The following TACR1 variants were observed in gnomAD, a reference collection of about 807,000 sequenced individuals.
TACR1 encodes tachykinin receptor 1, also known as substance-P receptor.
Under a neutral mutation model 35.8 loss-of-function variants are expected in TACR1, and 25 were observed. The observed-to-expected ratio is 0.70, with a 90% CI of 0.51 to 0.98. TACR1 has a LOEUF of 0.98. TACR1 is among the 50% of genes least tolerant of loss of function. The probability of loss-of-function intolerance (pLI) is 0.00; values close to 1 mark genes in which losing one functional copy is unlikely to be tolerated. For missense variants in TACR1, 478 were observed against 522.9 expected (o/e 0.91, Z 0.84); for synonymous variants, 195 against 206.7 (o/e 0.94, Z 0.48).
At chr2:75,185,950 G>C (rs564921511) in intron 1 of TACR1, among the ~76,000 whole-genome samples, 2 of 152,256 alleles carry the variant, frequency 1.3e-5, no homozygotes, top group Non-Finnish European at 2.9e-5. Context: ...TTTAAATTAC[G>C]ATACTTTGTA....
intron 1 of TACR1, among the ~76,000 whole-genome samples, chr2:75,134,808 G>A (rs1404681506): frequency 6.6e-6 from 1 of 152,228 alleles, no homozygotes; most frequent in East Asian, 1.9e-4. Flanking sequence ...ACTACCAGCT[G>A]ATTAACTTAA....
chr2:75,170,064 A>G (rs374702467), intron 1 of TACR1, among the ~76,000 whole-genome samples: 1 of 152,280 alleles, frequency 6.6e-6, no homozygotes, highest in Admixed American at 6.5e-5. Context: ...TGAGAGAGGA[A>G]ACATTTTCTT....
At chr2:75,107,645 T>G (rs2160652) in intron 2 of TACR1, among the ~76,000 whole-genome samples, 101,868 of 151,814 alleles carry the variant, frequency 0.67, 34,297 homozygotes, top group African/African-American at 0.7. Context: ...AATAAAAAAA[T>G]TTAGGTAGTG....
intron 1 of TACR1, among the ~76,000 whole-genome samples, chr2:75,155,566 A>G (rs1310599070): frequency 2.0e-5 from 3 of 152,160 alleles, no homozygotes; most frequent in African/African-American, 7.2e-5. Context: ...AGAGGCCACC[A>G]TCTCCTGTTC....
At chr2:75,067,721 T>C (rs1672794909) in intron 2 of TACR1, among the ~76,000 whole-genome samples, 1 of 152,112 alleles carries the variant, frequency 6.6e-6, no homozygotes, top group Admixed American at 6.5e-5. Context: ...GGGTGCCCCA[T>C]GCAGAGACAA....
At chr2:75,160,014 A>C (rs1674964155) in intron 1 of TACR1, among the ~76,000 whole-genome samples, 1 of 152,208 alleles carries the variant, frequency 6.6e-6, no homozygotes, top group Admixed American at 6.5e-5. Context: ...ATGGCAATAT[A>C]TTCACACTAC....
chr2:75,088,103 A>G (rs2103847158), intron 2 of TACR1, among the ~76,000 whole-genome samples: 1 of 152,120 alleles, frequency 6.6e-6, no homozygotes, highest in African/African-American at 2.4e-5. Flanking sequence ...ACTACAACCT[A>G]TTTCTTTTGA....
chr2:75,085,113 T>A (rs571208916), intron 2 of TACR1, among the ~76,000 whole-genome samples: 1 of 152,320 alleles, frequency 6.6e-6, no homozygotes, highest in Non-Finnish European at 1.5e-5. Context: ...GTCCCAGAGA[T>A]TCTGGTATGT....
intron 2 of TACR1, among the ~76,000 whole-genome samples, chr2:75,108,121 G>T (rs948586581): frequency 5.3e-5 from 8 of 151,954 alleles, no homozygotes; most frequent in Non-Finnish European, 1.2e-4. Flanking sequence ...TGGTTTTATG[G>T]GTAAGTTCCT....
At position 75,049,473 on chromosome 2, in the gene TACR1, TG is replaced by T. The variant is rs778112025; in HGVS notation, c.1182del (p.Met395Ter). The T allele has an allele frequency of 1.2e-5, 19 of 1,614,032 alleles. No homozygotes were observed. In the South Asian group the frequency reaches 1.6e-4, roughly 14 times the overall value. ...GAGGAGAAGCTGAAGCTCTCTGTCA[TG>T]GTCTTGGAGTCACTTCGTGAAGAGC... is the stretch of plus-strand genomic sequence containing the variant. Reference protein sequence around the residue: ...SNCSSRSDSKTMTESFSFSSN... With the variant: ...SNCSSRSDSKXMTESFSFSSN... On this transcript the variant is annotated frameshift_variant, in exon 5 of 5. Transcript: ENST00000305249. LOFTEE classifies it high-confidence loss of function.
rs532302202 is a variant in TACR1 at position 75,181,662 on chromosome 2, TG to T, written c.389+16883del. ...TTGTTACTGAGGCCCCATTAATAGT[TG>T]GGGTGGTAATGAATTACCATAGTGC... On this transcript the variant is annotated intron_variant, in intron 1 of 4. Transcript: ENST00000305249. Among the ~76,000 whole-genome samples the T allele has an allele frequency of 2.5e-3, 387 of 152,292 alleles. 4 individuals carry two copies. Among genetic ancestry groups the T allele is most frequent in the African/African-American group, 8.1e-3 (338 of 41,568 alleles).
chr2:75,160,813 G>C (rs917645736), intron 1 of TACR1, among the ~76,000 whole-genome samples: 1 of 81,320 alleles, frequency 1.2e-5, no homozygotes, highest in African/African-American at 3.7e-5. Flanking sequence ...GTTGGGATCT[G>C]CTTACACTAA....
At chr2:75,189,668 T>A (rs546877818) in intron 1 of TACR1, 1 of 152,322 alleles carries the variant, frequency 6.6e-6, no homozygotes, top group African/African-American at 2.4e-5. Context: ...TTGAAATGCT[T>A]TAAGAGAATT....
intron 1 of TACR1, among the ~76,000 whole-genome samples, chr2:75,150,656 A>C (rs1306955925): frequency 6.6e-6 from 1 of 152,210 alleles, no homozygotes; most frequent in East Asian, 1.9e-4. Flanking sequence ...AGCAGTGTGA[A>C]AACAAACAAA....
intron 2 of TACR1, among the ~76,000 whole-genome samples, chr2:75,097,855 A>G (rs1407783595): frequency 6.6e-6 from 1 of 152,250 alleles, no homozygotes; most frequent in Non-Finnish European, 1.5e-5. Context: ...TGGTGGTAGT[A>G]CAAGGCCAGT....
At chr2:75,192,770 C>G (rs1352252713) in intron 1 of TACR1, among the ~76,000 whole-genome samples, 1 of 152,068 alleles carries the variant, frequency 6.6e-6, no homozygotes, top group Non-Finnish European at 1.5e-5. Flanking sequence ...AATCGCTCTT[C>G]CAGGTTGAAA....
At chr2:75,073,321 T>G (rs1558543552) in intron 2 of TACR1, among the ~76,000 whole-genome samples, 1 of 152,234 alleles carries the variant, frequency 6.6e-6, no homozygotes, top group Non-Finnish European at 1.5e-5. Context: ...AGTGGAATTC[T>G]CACACAGTCA....
rs1572969053 is a variant in TACR1 at position 75,161,301 on chromosome 2, TATA to T, written c.389+37242_389+37244del. On this transcript the variant is annotated intron_variant, in intron 1 of 4. Coordinates refer to ENST00000305249, the MANE Select transcript of TACR1 (RefSeq NM_001058.4). ...TTGAAAATTAAAGCTTAATAATAGT[TATA>T]ATATCATTATGAGGCTTATTACAAA... Among the ~76,000 whole-genome samples the T allele has an allele frequency of 2.0e-5, 3 of 152,094 alleles. No individual in the cohort carries two copies. In the South Asian group the frequency reaches 6.2e-4, roughly 31 times the overall value.
At chr2:75,117,193 A>G (rs1673883720) in intron 2 of TACR1, among the ~76,000 whole-genome samples, 1 of 150,774 alleles carries the variant, frequency 6.6e-6, no homozygotes. Flanking sequence ...ACCTTTGCTC[A>G]TTCTTTTATT....
Sources: gnomAD v4.1 joint callset for allele counts (sites outside exome capture counted in the v4.1 genomes callset) on GRCh38, gnomAD v4.1.1 for gene constraint, MANE v1.5 for transcripts, NCBI Gene and HGNC (gene_info 2026-07-23, HGNC 2026-07-21) for gene names.